The following TGFA variants were observed in gnomAD, a reference collection of about 807,000 sequenced individuals.
TGFA encodes the protein transforming growth factor alpha, also known as protransforming growth factor alpha.
TGFA carries 12 observed loss-of-function variants against 21.7 expected under a neutral mutation model. That is an observed-to-expected ratio of 0.55 (90% CI 0.35 to 0.90). The LOEUF (loss-of-function observed/expected upper bound fraction) is 0.90. Ranked by LOEUF, TGFA falls within the 40% of genes least tolerant of loss-of-function variation. TGFA has a pLI of 0.01. For synonymous variants in TGFA, 79 were observed against 88.1 expected (o/e 0.90, Z 0.58); for missense variants, 178 against 210.8 (o/e 0.84, Z 0.96).
chr2:70,454,311 C>A (rs1670152978), intron 4 of TGFA, among the ~76,000 whole-genome samples: 1 of 152,248 alleles, frequency 6.6e-6, no homozygotes, highest in South Asian at 2.1e-4. Flanking sequence ...CAGTGAGAAG[C>A]TGCAAAGGTT....
At chr2:70,521,075 A>G (rs150496150) in intron 1 of TGFA, among the ~76,000 whole-genome samples, 13 of 151,578 alleles carry the variant, frequency 8.6e-5, no homozygotes, top group Admixed American at 6.6e-4. Context: ...TAGTTGTTAG[A>G]CTGGTTTTCT....
At chr2:70,469,168 G>C (rs1376346826) in intron 2 of TGFA, among the ~76,000 whole-genome samples, 1 of 152,102 alleles carries the variant, frequency 6.6e-6, no homozygotes, top group African/African-American at 2.4e-5. Context: ...CCCTGAGTTT[G>C]CCTGCCACCC....
chr2:70,462,343 G>C (rs898162118), intron 3 of TGFA, among the ~76,000 whole-genome samples: 2 of 152,260 alleles, frequency 1.3e-5, no homozygotes, highest in Admixed American at 1.3e-4. Context: ...AGTGCCGTCA[G>C]AGGGGTCTGC....
intron 2 of TGFA, among the ~76,000 whole-genome samples, chr2:70,478,500 GAA>G (rs5832013): frequency 6.8e-6 from 1 of 147,914 alleles, no homozygotes; most frequent in Admixed American, 6.7e-5. Flanking sequence ...GATACCACTG[GAA>G]AAAAAAAAAG....
intron 1 of TGFA, among the ~76,000 whole-genome samples, chr2:70,549,252 T>C (rs12473408): frequency 0.49 from 75,134 of 152,032 alleles, 18,842 homozygotes; most frequent in East Asian, 0.61. Flanking sequence ...CTGGTCGGCA[T>C]GACAGGCCTT....
intron 2 of TGFA, chr2:70,467,632 G>T: frequency 6.6e-6 from 1 of 151,134 alleles, no homozygotes; most frequent in East Asian, 2.0e-4. Flanking sequence ...GGGTATTTCA[G>T]GAGTGAGTCT....
At chr2:70,548,465 G>T (rs1203586090) in intron 1 of TGFA, among the ~76,000 whole-genome samples, 1 of 152,222 alleles carries the variant, frequency 6.6e-6, no homozygotes, top group African/African-American at 2.4e-5. Flanking sequence ...CAGCCTGGTT[G>T]TTACCTAAAG....
chr2:70,455,404 C>T (rs143449333), intron 4 of TGFA, among the ~76,000 whole-genome samples: 177 of 152,290 alleles, frequency 1.2e-3, no homozygotes, highest in Non-Finnish European at 2.2e-3. Context: ...CTTCTTGCAT[C>T]GACATGTAGC....
chr2:70,507,344 T>G (rs1671957236), intron 2 of TGFA, among the ~76,000 whole-genome samples: 1 of 152,256 alleles, frequency 6.6e-6, no homozygotes, highest in Non-Finnish European at 1.5e-5. Context: ...CAGAGATCAT[T>G]AATGTGAACA....
At chr2:70,481,158 C>T (rs546254474) in intron 2 of TGFA, among the ~76,000 whole-genome samples, 26 of 152,260 alleles carry the variant, frequency 1.7e-4, no homozygotes, top group African/African-American at 3.9e-4. Flanking sequence ...CTCCCCTAGT[C>T]CAGAAGTGAA....
chr2:70,451,638 C>A (rs1486459020), intron 5 of TGFA: 2 of 640,904 alleles, frequency 3.1e-6, no homozygotes, highest in Non-Finnish European at 5.6e-6. Context: ...CTGTTAGGTT[C>A]AGACAAATGC....
intron 1 of TGFA, among the ~76,000 whole-genome samples, chr2:70,524,429 C>T (rs570036776): frequency 6.6e-6 from 1 of 152,256 alleles, no homozygotes; most frequent in Non-Finnish European, 1.5e-5. Flanking sequence ...TTCCCCAGGC[C>T]TGCTCACGCA....
At chr2:70,488,915 C>T (rs782725503) in intron 2 of TGFA, among the ~76,000 whole-genome samples, 1 of 152,172 alleles carries the variant, frequency 6.6e-6, no homozygotes, top group Non-Finnish European at 1.5e-5. Flanking sequence ...TCTGTAACAC[C>T]GTCAGCTTAC....
chr2:70,515,929 G>A (rs1672261807), intron 1 of TGFA, among the ~76,000 whole-genome samples: 2 of 152,204 alleles, frequency 1.3e-5, no homozygotes, highest in Admixed American at 6.5e-5. Flanking sequence ...TTTTAAGACT[G>A]CAACTGCAGA....
intron 1 of TGFA, among the ~76,000 whole-genome samples, chr2:70,537,778 A>G (rs1215626825): frequency 6.6e-6 from 1 of 152,262 alleles, no homozygotes; most frequent in Non-Finnish European, 1.5e-5. Context: ...TGCACAGCGA[A>G]GCAGCAAGTG....
At chr2:70,477,636 G>A (rs1670979019) in intron 2 of TGFA, among the ~76,000 whole-genome samples, 1 of 152,180 alleles carries the variant, frequency 6.6e-6, no homozygotes, top group Non-Finnish European at 1.5e-5. Context: ...GAGGTAACAT[G>A]CTCCACTTGC....
intron 1 of TGFA, among the ~76,000 whole-genome samples, chr2:70,549,596 A>T (rs1673423107): frequency 6.6e-6 from 1 of 152,168 alleles, no homozygotes; most frequent in African/African-American, 2.4e-5. Flanking sequence ...CAAGCACAAG[A>T]TGCCTAATTC....
chr2:70,499,008 C>T (rs988898407), intron 2 of TGFA, among the ~76,000 whole-genome samples: 13 of 152,010 alleles, frequency 8.6e-5, no homozygotes, highest in Non-Finnish European at 1.5e-4. Flanking sequence ...GGCCAGGACA[C>T]TAGTGTTTTT....
chr2:70,529,947 C>A (rs1447018341), intron 1 of TGFA, among the ~76,000 whole-genome samples: 1 of 152,186 alleles, frequency 6.6e-6, no homozygotes, highest in Non-Finnish European at 1.5e-5. Flanking sequence ...ACAGAGCCAG[C>A]AGAACTTCCT....
Sources: gnomAD v4.1 joint callset for allele counts (sites outside exome capture counted in the v4.1 genomes callset) on GRCh38, gnomAD v4.1.1 for gene constraint, MANE v1.5 for transcripts, NCBI Gene and HGNC (gene_info 2026-07-23, HGNC 2026-07-21) for gene names.